The following NETO2 variants were observed in gnomAD, a reference collection of about 807,000 sequenced individuals.
The protein encoded by NETO2 is neuropilin and tolloid-like protein 2.
Under a neutral mutation model 62.5 loss-of-function variants are expected in NETO2, and 28 were observed. The observed-to-expected ratio is 0.45, with a 90% CI of 0.33 to 0.61. The LOEUF is 0.61. NETO2 is among the 20% of genes least tolerant of loss of function. The probability of loss-of-function intolerance (pLI) is 0.02; values close to 1 mark genes in which losing one functional copy is unlikely to be tolerated. For synonymous variants in NETO2, 214 were observed against 219.1 expected, an observed-to-expected ratio of 0.98 and a Z score of 0.21; for missense variants, 548 against 643.2, an observed-to-expected ratio of 0.85 and a Z score of 1.60.
At chr16:47,139,698 G>C (rs941998846) in intron 1 of NETO2, among the ~76,000 whole-genome samples, 1 of 152,206 alleles carries the variant, frequency 6.6e-6, no homozygotes, top group African/African-American at 2.4e-5. Context: ...AACAAAGATG[G>C]ATGGTGAACT....
Position 47,129,809 on chromosome 16 carries a change from G to T in NETO2, c.92-445C>A, listed in dbSNP as rs146680592. Reference sequence around the variant, plus strand: ...GTAGACTAAATACATGCACGTAGCTGAGCTCCTTCCTCAAACTCCACTTAA... The same window carrying T: ...GTAGACTAAATACATGCACGTAGCTTAGCTCCTTCCTCAAACTCCACTTAA... On this transcript the variant is annotated intron_variant, in intron 2 of 8. Transcript: ENST00000562435. Among the ~76,000 whole-genome samples the T allele has an allele frequency of 3.7e-4, 57 of 152,308 alleles. No individual in the cohort carries two copies. In the East Asian group the frequency reaches 0.011, roughly 29 times the overall value.
intron 6 of NETO2, among the ~76,000 whole-genome samples, chr16:47,121,618 T>C (rs188426662): frequency 1.2e-3 from 187 of 152,358 alleles, no homozygotes; most frequent in African/African-American, 4.4e-3. Flanking sequence ...TTCTAATCTA[T>C]GCTTTCATGT....
At position 47,083,441 on chromosome 16, in the gene NETO2, T is replaced by A. The variant is rs763466196; in HGVS notation, c.1358A>T (p.Asn453Ile). Reference sequence around the variant, plus strand: ...GAAAGGAAGTTCCATGGAACTGAGGTTGGTCCTGCTTTGTTTGACGCTGGA... The same window carrying A: ...GAAAGGAAGTTCCATGGAACTGAGGATGGTCCTGCTTTGTTTGACGCTGGA... ...QASSVKQSRT[N>I]LSSMELPFRN... The change falls in exon 9 of 9, where the codon AAC (asparagine) becomes ATC (isoleucine). Residue 453 changes from asparagine to isoleucine, a missense_variant. By Grantham distance (149) the Asn-to-Ile change is moderately radical (BLOSUM62 -3). Transcript: ENST00000562435. The A allele has an allele frequency of 1.7e-5, 27 of 1,614,182 alleles. No homozygotes were observed. Among genetic ancestry groups the A allele is most frequent in the Non-Finnish European group, 2.3e-5 (27 of 1,180,022 alleles).
intron 7 of NETO2, among the ~76,000 whole-genome samples, chr16:47,088,619 TAATG>T (rs1389787316): frequency 6.6e-6 from 1 of 152,024 alleles, no homozygotes; most frequent in Non-Finnish European, 1.5e-5. Context: ...TTTACTTGAC[TAATG>T]AGATTTTTTT....
At chr16:47,121,197 G>A (rs1321013388) in intron 6 of NETO2, among the ~76,000 whole-genome samples, 4 of 152,034 alleles carry the variant, frequency 2.6e-5, no homozygotes, top group Non-Finnish European at 5.9e-5. Flanking sequence ...TGTAGGATAC[G>A]TGAAACACTC....
intron 6 of NETO2, among the ~76,000 whole-genome samples, chr16:47,111,840 GC>G (rs1963807929): frequency 6.6e-6 from 1 of 151,984 alleles, no homozygotes; most frequent in Admixed American, 6.6e-5. Flanking sequence ...CTCTATCCTA[GC>G]CTTCACTGTG....
At chr16:47,118,195 CTTTG>C (rs10608558) in intron 6 of NETO2, among the ~76,000 whole-genome samples, 3,223 of 152,198 alleles carry the variant, frequency 0.021, 112 homozygotes, top group African/African-American at 0.07. Flanking sequence ...TTCTGTCTCT[CTTTG>C]TTTGGGTGGT....
chr16:47,138,962 T>C (rs1315043903), intron 1 of NETO2, among the ~76,000 whole-genome samples: 2 of 152,262 alleles, frequency 1.3e-5, no homozygotes, highest in African/African-American at 4.8e-5. Flanking sequence ...GGCTGATTCC[T>C]TCCTGTTGTT....
chr16:47,091,410 T>C (rs1044607454), intron 7 of NETO2, among the ~76,000 whole-genome samples: 3 of 152,214 alleles, frequency 2.0e-5, no homozygotes, highest in Admixed American at 2.0e-4. Flanking sequence ...GAGAAGAATT[T>C]CTCATCATGG....
chr16:47,088,400 C>G (rs1047889698), intron 7 of NETO2, among the ~76,000 whole-genome samples: 2 of 152,174 alleles, frequency 1.3e-5, no homozygotes, highest in Non-Finnish European at 2.9e-5. Context: ...GCCACTGTGC[C>G]TGGTCCAAAA....
chr16:47,128,588 T>G lies in NETO2; in HGVS notation c.233-15A>C. 6.2e-7 allele frequency: 1 copy of G among 1,606,686 alleles called. No individual in the cohort carries two copies. Among genetic ancestry groups the G allele is most frequent in the Non-Finnish European group, 8.5e-7 (1 of 1,178,702 alleles). ...ACGTGGAGCAGCTAGAAAATAAGAG[T>G]AAGCAAATCAGGACAACACAAACAA... On this transcript the variant is annotated splice_polypyrimidine_tract_variant and intron_variant, in intron 3 of 8. Transcript: ENST00000562435.
At chr16:47,086,409 C>T (rs1963191167) in intron 7 of NETO2, 70 bp from the exon 8 acceptor site, 1 of 1,003,500 alleles carries the variant, frequency 1.0e-6, no homozygotes, top group Non-Finnish European at 1.6e-6. Context: ...CATAACAAAT[C>T]TGACTTTATA....
intron 7 of NETO2, among the ~76,000 whole-genome samples, chr16:47,090,345 T>C (rs949889796): frequency 2.0e-5 from 3 of 152,256 alleles, no homozygotes; most frequent in African/African-American, 7.2e-5. Context: ...TTAACCTTTA[T>C]GGCTTTTCAC....
At chr16:47,094,458 C>T (rs1345293661) in intron 7 of NETO2, among the ~76,000 whole-genome samples, 1 of 151,840 alleles carries the variant, frequency 6.6e-6, no homozygotes, top group African/African-American at 2.4e-5. Context: ...CGGAGTCTTA[C>T]TCTGTCACCC....
chr16:47,110,680 T>C (rs1963777700), intron 6 of NETO2, among the ~76,000 whole-genome samples: 1 of 152,230 alleles, frequency 6.6e-6, no homozygotes, highest in Non-Finnish European at 1.5e-5. Context: ...AGATTACCTT[T>C]GAATTGCCAT....
intron 7 of NETO2, among the ~76,000 whole-genome samples, chr16:47,089,491 C>T (rs550425592): frequency 1.3e-5 from 2 of 152,138 alleles, no homozygotes; most frequent in Non-Finnish European, 2.9e-5. Flanking sequence ...AATCATGATA[C>T]TTCTGTTTTA....
intron 4 of NETO2, among the ~76,000 whole-genome samples, chr16:47,125,719 G>C (rs1033650021): frequency 6.6e-6 from 1 of 151,676 alleles, no homozygotes; most frequent in Admixed American, 6.6e-5. Flanking sequence ...AAGACAGGGT[G>C]TTGCTCTGTC....
intron 7 of NETO2, among the ~76,000 whole-genome samples, chr16:47,091,506 GAATT>G (rs1963312882): frequency 6.6e-6 from 1 of 152,122 alleles, no homozygotes; most frequent in Non-Finnish European, 1.5e-5. Context: ...GAAATTGGTG[GAATT>G]AATTTGACTT....
At chr16:47,132,145 A>G (rs1964279304) in intron 1 of NETO2, 120 bp from the exon 2 acceptor site, 2 of 751,182 alleles carry the variant, frequency 2.7e-6, no homozygotes, top group African/African-American at 3.6e-5. Context: ...ATTACTCAAA[A>G]TTCACTCTCA....
Sources: gnomAD v4.1 joint callset for allele counts (sites outside exome capture counted in the v4.1 genomes callset) on GRCh38, gnomAD v4.1.1 for gene constraint, MANE v1.5 for transcripts, NCBI Gene and HGNC (gene_info 2026-07-23, HGNC 2026-07-21) for gene names.